Variants in KIAA1217 observed in about 807,000 individuals in gnomAD.
KIAA1217 encodes sickle tail protein homolog.
In KIAA1217, 88 loss-of-function variants were observed where a neutral mutation model predicts 163.9. The observed-to-expected ratio is 0.54, with a 90% CI of 0.45 to 0.64. The LOEUF is 0.64. KIAA1217 is among the 30% of genes least tolerant of loss of function. KIAA1217 has a pLI of 0.00. For missense variants in KIAA1217, 2,372 were observed against 2,475.0 expected (o/e 0.96, Z 0.88); for synonymous variants, 903 against 923.1 (o/e 0.98, Z 0.39).
At chr10:24,415,549 CA>C (rs1197471267) in intron 3 of KIAA1217, among the ~76,000 whole-genome samples, 2 of 152,044 alleles carry the variant, frequency 1.3e-5, no homozygotes, top group Non-Finnish European at 2.9e-5. Context: ...ATAAGCCTTA[CA>C]AACACATTGT....
chr10:24,043,536 C>G (rs902075810), intron 2 of KIAA1217, among the ~76,000 whole-genome samples: 2 of 152,012 alleles, frequency 1.3e-5, no homozygotes, highest in Non-Finnish European at 2.9e-5. Flanking sequence ...CAATGACATG[C>G]TTGTATAAAA....
chr10:24,496,671 T>G, intron 8 of KIAA1217, among the ~76,000 whole-genome samples: 1 of 152,230 alleles, frequency 6.6e-6, no homozygotes, highest in East Asian at 1.9e-4. Context: ...TTTATTCTCA[T>G]GTTCCAGAGA....
intron 1 of KIAA1217, among the ~76,000 whole-genome samples, chr10:23,791,889 C>CTAGA (rs1835966847): frequency 6.6e-6 from 1 of 152,102 alleles, no homozygotes; most frequent in African/African-American, 2.4e-5. Flanking sequence ...TCTCTGTTAT[C>CTAGA]TAGACACTGT....
At chr10:23,893,247 C>G (rs1260876467) in intron 1 of KIAA1217, among the ~76,000 whole-genome samples, 1 of 152,034 alleles carries the variant, frequency 6.6e-6, no homozygotes, top group African/African-American at 2.4e-5. Context: ...GGAATTTATC[C>G]ATTTCTTCCA....
At chr10:23,840,990 T>G (rs980916475) in intron 1 of KIAA1217, among the ~76,000 whole-genome samples, 3 of 152,220 alleles carry the variant, frequency 2.0e-5, no homozygotes, top group Non-Finnish European at 4.4e-5. Flanking sequence ...CTTGGGCAAT[T>G]TTGCTTAACC....
At chr10:24,518,208 T>C (rs1040494174) in intron 10 of KIAA1217, among the ~76,000 whole-genome samples, 3 of 152,238 alleles carry the variant, frequency 2.0e-5, no homozygotes, top group African/African-American at 7.2e-5. Context: ...AAAGCTGATA[T>C]TTTAAAAGTC....
chr10:24,375,238 G>C (rs2052316183), intron 2 of KIAA1217, among the ~76,000 whole-genome samples: 1 of 152,178 alleles, frequency 6.6e-6, no homozygotes, highest in South Asian at 2.1e-4. Context: ...TAGAAGCCAG[G>C]TGTGCCCGAT....
At chr10:23,697,146 C>A (rs1420865776) in intron 1 of KIAA1217, among the ~76,000 whole-genome samples, 1 of 152,172 alleles carries the variant, frequency 6.6e-6, no homozygotes, top group Non-Finnish European at 1.5e-5. Context: ...ATTTTTAGAG[C>A]AGAGTCTCTG....
At chr10:23,987,433 CA>C (rs1360862097) in intron 1 of KIAA1217, among the ~76,000 whole-genome samples, 1 of 147,614 alleles carries the variant, frequency 6.8e-6, no homozygotes, top group Non-Finnish European at 1.5e-5. Context: ...AAAAACCCAT[CA>C]TTTTTATTTA....
In KIAA1217 at chr10:24,357,973, C is replaced by G. The variant is rs1048513976; in HGVS notation, c.355-22896C>G. Among the ~76,000 whole-genome samples the G allele has an allele frequency of 3.3e-5, 5 of 152,166 alleles. 1 individual carries two copies. In the South Asian group the frequency reaches 1.0e-3, roughly 32 times the overall value. On this transcript the variant is annotated intron_variant, in intron 2 of 20. Coordinates refer to ENST00000376454, the MANE Select transcript of KIAA1217 (RefSeq NM_019590.5). ...TAGGCACCACTGCCTGAGCCATGCA[C>G]GTAAACTCCCCAGACCCTAAGAGTA...
chr10:23,862,234 A>G (rs747827617), intron 1 of KIAA1217, among the ~76,000 whole-genome samples: 22 of 152,132 alleles, frequency 1.4e-4, no homozygotes, highest in Non-Finnish European at 2.8e-4. Context: ...GTAAGCTGTG[A>G]TTTTGCCCCA....
intron 5 of KIAA1217, among the ~76,000 whole-genome samples, chr10:24,472,176 G>A (rs2063593496): frequency 6.6e-6 from 1 of 152,174 alleles, no homozygotes; most frequent in Admixed American, 6.5e-5. Context: ...TGTTGAATAG[G>A]TGAGAAGGAG....
chr10:24,080,439 A>G (rs1014121531), intron 2 of KIAA1217, among the ~76,000 whole-genome samples: 4 of 152,146 alleles, frequency 2.6e-5, no homozygotes, highest in Non-Finnish European at 4.4e-5. Flanking sequence ...CCATTAATGG[A>G]TCCTTCCGGA....
chr10:23,725,858 A>G (rs16923731), intron 1 of KIAA1217, among the ~76,000 whole-genome samples: 7,988 of 152,224 alleles, frequency 0.052, 700 homozygotes, highest in African/African-American at 0.18. Context: ...CCAAAATTAT[A>G]AGCAGCTGTC....
Position 24,538,448 on chromosome 10 carries a change from C to G in KIAA1217, c.3534+1555C>G, listed in dbSNP as rs188487248. On this transcript the variant is annotated intron_variant, in intron 17 of 20. Transcript: ENST00000376454. ...ATCCCAGCATTTTAGGAGGCCAAGA[C>G]GGAAGAATCACTTGAGGCCAGGAGT... Among the ~76,000 whole-genome samples, 367 of 151,010 alleles carry G rather than the reference C, an allele frequency of 2.4e-3. 1 individual carries two copies. The highest frequency in any genetic ancestry group is 4.2e-3 in the Non-Finnish European group (284 of 67,852).
intron 3 of KIAA1217, among the ~76,000 whole-genome samples, chr10:24,399,187 T>C (rs1044603107): frequency 6.6e-6 from 1 of 152,230 alleles, no homozygotes; most frequent in Non-Finnish European, 1.5e-5. Context: ...ATATAGTAAG[T>C]ACTCTGTAAA....
intron 1 of KIAA1217, among the ~76,000 whole-genome samples, chr10:23,822,771 G>A (rs1176109612): frequency 1.3e-5 from 2 of 152,166 alleles, no homozygotes; most frequent in Non-Finnish European, 2.9e-5. Flanking sequence ...TTTTCCCACA[G>A]AGTTTTGTAA....
At chr10:23,929,186 A>T (rs1255350563) in intron 1 of KIAA1217, among the ~76,000 whole-genome samples, 2 of 152,220 alleles carry the variant, frequency 1.3e-5, no homozygotes, top group Non-Finnish European at 2.9e-5. Context: ...AATGAAGTAA[A>T]TTGTAAAACA....
Position 24,546,270 on chromosome 10 carries a change from A to G in KIAA1217, c.5778A>G (p.Ala1926=), listed in dbSNP as rs991. Residue 1926 remains alanine (A), a synonymous_variant, in exon 21 of 21, where the codon GCA becomes GCG. Coordinates refer to ENST00000376454, the MANE Select transcript of KIAA1217 (RefSeq NM_019590.5). ...CTCCCAGCCTCACCAGCTACAAGGC[A>G]CAGAATGGAAGTTCAAGCAAAGCCA... The part of the protein sequence containing the change: ...IHTPSLTSYK[A]QNGSSSKATP... 3 of 1,613,992 alleles carry G rather than the reference A, an allele frequency of 1.9e-6. No homozygotes were observed. In the Admixed American group the frequency reaches 5.0e-5, roughly 27 times the overall value.
Sources: gnomAD v4.1 joint callset for allele counts (sites outside exome capture counted in the v4.1 genomes callset) on GRCh38, gnomAD v4.1.1 for gene constraint, MANE v1.5 for transcripts, NCBI Gene and HGNC (gene_info 2026-07-23, HGNC 2026-07-21) for gene names.